Variants in SPATA16 observed in about 807,000 individuals in gnomAD.
The protein encoded by SPATA16 is spermatogenesis-associated protein 16.
Under a neutral mutation model 63.3 loss-of-function variants are expected in SPATA16, and 36 were observed. That is an observed-to-expected ratio of 0.57 (90% CI 0.44 to 0.75). The LOEUF is 0.75. Ranked by LOEUF, SPATA16 falls within the 30% of genes least tolerant of loss-of-function variation. The pLI, the probability that SPATA16 is intolerant of heterozygous loss-of-function variation, is 0.00. For missense variants in SPATA16, 646 were observed against 679.3 expected (o/e 0.95, Z 0.54); for synonymous variants, 203 against 216.7 (o/e 0.94, Z 0.56).
At chr3:173,045,965 G>A (rs1233223198) in intron 3 of SPATA16, among the ~76,000 whole-genome samples, 1 of 151,680 alleles carries the variant, frequency 6.6e-6, no homozygotes, top group Non-Finnish European at 1.5e-5. Flanking sequence ...ACTTCATCTT[G>A]TCTGCCACCT....
At chr3:172,950,446 C>A (rs1048642241) in intron 6 of SPATA16, among the ~76,000 whole-genome samples, 1 of 152,300 alleles carries the variant, frequency 6.6e-6, no homozygotes, top group East Asian at 1.9e-4. Context: ...GATGATTTAT[C>A]GTCTTATAAC....
chr3:172,964,633 C>T (rs1311964443), intron 5 of SPATA16, among the ~76,000 whole-genome samples: 1 of 152,134 alleles, frequency 6.6e-6, no homozygotes, highest in African/African-American at 2.4e-5. Context: ...CATTTCATCT[C>T]TATATTTCAT....
chr3:173,104,421 A>G (rs568547934), intron 2 of SPATA16, among the ~76,000 whole-genome samples: 1 of 152,302 alleles, frequency 6.6e-6, no homozygotes, highest in South Asian at 2.1e-4. Flanking sequence ...AAAAGAAAAA[A>G]AGGTTTAGTT....
chr3:173,091,022 C>T (rs1737208589), intron 2 of SPATA16, among the ~76,000 whole-genome samples: 1 of 151,802 alleles, frequency 6.6e-6, no homozygotes, highest in Non-Finnish European at 1.5e-5. Flanking sequence ...ATTGACAACT[C>T]ACCTTACATA....
chr3:172,912,041 G>A (rs1219241093), intron 10 of SPATA16, among the ~76,000 whole-genome samples: 1 of 152,068 alleles, frequency 6.6e-6, no homozygotes, highest in East Asian at 1.9e-4. Flanking sequence ...AATTTCTCCT[G>A]CCTCTGCACT....
chr3:173,110,301 CAGTT>C (rs1737717555), intron 2 of SPATA16, among the ~76,000 whole-genome samples: 1 of 152,256 alleles, frequency 6.6e-6, no homozygotes, highest in South Asian at 2.1e-4. Flanking sequence ...GTGCGAGAGG[CAGTT>C]AGTAGTTCAA....
At chr3:173,045,793 A>C (rs369377815) in intron 3 of SPATA16, among the ~76,000 whole-genome samples, 47 of 152,098 alleles carry the variant, frequency 3.1e-4, no homozygotes, top group African/African-American at 1.1e-3. Flanking sequence ...TATAAGCATC[A>C]TGTATTTTCT....
chr3:172,911,843 C>T (rs1732377775), intron 10 of SPATA16, among the ~76,000 whole-genome samples: 1 of 152,132 alleles, frequency 6.6e-6, no homozygotes, highest in South Asian at 2.1e-4. Flanking sequence ...TTCTCTGTGC[C>T]CACAACCCTA....
chr3:173,031,897 G>A (rs1435448575), intron 3 of SPATA16, among the ~76,000 whole-genome samples: 5 of 151,998 alleles, frequency 3.3e-5, no homozygotes, highest in Non-Finnish European at 7.4e-5. Flanking sequence ...TTGAGAAAAA[G>A]AACTGCTTTA....
intron 4 of SPATA16, among the ~76,000 whole-genome samples, chr3:172,983,499 A>T (rs1247925610): frequency 6.6e-6 from 1 of 152,136 alleles, no homozygotes; most frequent in Non-Finnish European, 1.5e-5. Context: ...TACTTCTTAG[A>T]GGTATGTGTA....
chr3:173,135,432 C>A (rs1738516940), intron 1 of SPATA16, among the ~76,000 whole-genome samples: 2 of 152,160 alleles, frequency 1.3e-5, no homozygotes, highest in South Asian at 4.1e-4. Flanking sequence ...CCTGTACTGG[C>A]AGATTTTTTC....
intron 5 of SPATA16, among the ~76,000 whole-genome samples, chr3:172,973,400 A>C (rs1395643028): frequency 6.6e-6 from 1 of 152,232 alleles, no homozygotes; most frequent in Non-Finnish European, 1.5e-5. Flanking sequence ...ATCAGGCAGC[A>C]TGCCCCTGTT....
chr3:172,950,356 T>C (rs1305881904), intron 6 of SPATA16, among the ~76,000 whole-genome samples: 2 of 152,150 alleles, frequency 1.3e-5, no homozygotes, highest in Non-Finnish European at 2.9e-5. Context: ...GAAAAGAGAA[T>C]TTAGCCCCAT....
At chr3:172,897,692 T>A (rs909493381) in intron 10 of SPATA16, among the ~76,000 whole-genome samples, 1 of 152,198 alleles carries the variant, frequency 6.6e-6, no homozygotes, top group Non-Finnish European at 1.5e-5. Context: ...ACAATTATGT[T>A]ATCTGCAAAT....
chr3:172,939,358 T>C (rs1733091056), intron 6 of SPATA16, among the ~76,000 whole-genome samples: 1 of 152,138 alleles, frequency 6.6e-6, no homozygotes, highest in Non-Finnish European at 1.5e-5. Context: ...GTGTGGGGAT[T>C]TTAAAAAGCT....
At chr3:172,916,520 A>T (rs1226951435) in intron 8 of SPATA16, 39 bp from the exon 9 acceptor site, 1 of 1,608,606 alleles carries the variant, frequency 6.2e-7, no homozygotes, top group East Asian at 2.2e-5. Context: ...GAACAAAACC[A>T]CGGAAATAGA....
intron 2 of SPATA16, among the ~76,000 whole-genome samples, chr3:173,078,572 G>A (rs1410473958): frequency 2.0e-5 from 3 of 152,108 alleles, no homozygotes; most frequent in South Asian, 2.1e-4. Context: ...ATGCAAAATC[G>A]TTTTCAATAC....
intron 2 of SPATA16, among the ~76,000 whole-genome samples, chr3:173,051,484 AG>A (rs1259135998): frequency 3.3e-5 from 5 of 152,128 alleles, no homozygotes; most frequent in Admixed American, 3.3e-4. Context: ...TACAGGCGTG[AG>A]CCACCGTGCC....
chr3:172,910,466 A>G (rs868572440), intron 10 of SPATA16, among the ~76,000 whole-genome samples: 10 of 152,184 alleles, frequency 6.6e-5, no homozygotes, highest in African/African-American at 2.4e-4. Context: ...TGTGGCTACT[A>G]CTTAACTCAG....
Sources: allele counts gnomAD v4.1 joint callset (sites outside exome capture counted in the v4.1 genomes callset), GRCh38; gene constraint gnomAD v4.1.1; transcripts MANE v1.5; gene names NCBI Gene and HGNC (gene_info 2026-07-23, HGNC 2026-07-21).